The following NPAS2 variants were observed in gnomAD, a reference collection of about 807,000 sequenced individuals.
NPAS2 encodes the protein neuronal PAS domain-containing protein 2.
In NPAS2, 23 loss-of-function variants were observed where a neutral mutation model predicts 107.5. That is an observed-to-expected ratio of 0.21 (90% CI 0.15 to 0.30). The LOEUF is 0.30. NPAS2 is among the 10% of genes least tolerant of loss of function. NPAS2 has a pLI of 1.00. For missense variants in NPAS2, 756 were observed against 1,043.3 expected, an observed-to-expected ratio of 0.72 and a Z score of 3.79; for synonymous variants, 403 against 417.5, an observed-to-expected ratio of 0.97 and a Z score of 0.42.
chr2:100,955,324 C>T (rs1403776689), intron 7 of NPAS2, among the ~76,000 whole-genome samples: 2 of 152,146 alleles, frequency 1.3e-5, no homozygotes, highest in Non-Finnish European at 2.9e-5. Flanking sequence ...GGAAGGACAG[C>T]GACCCTTACT....
At chr2:100,872,068 CT>C (rs1410489763) in intron 1 of NPAS2, among the ~76,000 whole-genome samples, 1 of 152,182 alleles carries the variant, frequency 6.6e-6, no homozygotes, top group Non-Finnish European at 1.5e-5. Flanking sequence ...TTTAATGGCA[CT>C]AGAGGAGTTC....
chr2:100,902,456 G>A (rs1681847433), intron 1 of NPAS2, among the ~76,000 whole-genome samples: 1 of 152,232 alleles, frequency 6.6e-6, no homozygotes, highest in South Asian at 2.1e-4. Flanking sequence ...TACGCTGTGT[G>A]AAATAAGCCA....
At chr2:100,818,878 T>C (rs1328231157), upstream of NPAS2, among the ~76,000 whole-genome samples, 1 of 152,090 alleles carries the variant, frequency 6.6e-6, no homozygotes, top group East Asian at 1.9e-4. Flanking sequence ...CCCAGGCGCC[T>C]CCCCGCTGTG....
chr2:100,942,754 C>T lies in NPAS2; in HGVS notation c.363+4912C>T, dbSNP rs956555206. Among the ~76,000 whole-genome samples, 11 of 152,240 alleles carry T rather than the reference C, an allele frequency of 7.2e-5. No homozygotes were observed. In the East Asian group the frequency reaches 2.1e-3, roughly 30 times the overall value. Reference sequence around the variant, plus strand: ...TTTAAGGTCATTGTTTGCTTGTTTTCCTTTGTAGTTTCACCAACTTTGACT... The same window carrying T: ...TTTAAGGTCATTGTTTGCTTGTTTTTCTTTGTAGTTTCACCAACTTTGACT... On this transcript the variant is annotated intron_variant, in intron 5 of 20. Coordinates refer to ENST00000335681, the MANE Select transcript of NPAS2 (RefSeq NM_002518.4).
chr2:100,881,036 C>T (rs138813271), intron 1 of NPAS2, among the ~76,000 whole-genome samples: 92 of 152,296 alleles, frequency 6.0e-4, no homozygotes, highest in African/African-American at 2.1e-3. Context: ...GTGGGATTCA[C>T]TTGGTGGCAC....
At chr2:100,883,889 C>T (rs1680536607) in intron 1 of NPAS2, among the ~76,000 whole-genome samples, 1 of 141,656 alleles carries the variant, frequency 7.1e-6, no homozygotes, top group South Asian at 2.5e-4. Flanking sequence ...CTTCTCATTA[C>T]ACCTCCCTAC....
At chr2:100,916,549 C>A (rs1682891751) in intron 2 of NPAS2, among the ~76,000 whole-genome samples, 1 of 152,070 alleles carries the variant, frequency 6.6e-6, no homozygotes, top group Non-Finnish European at 1.5e-5. Flanking sequence ...TCACCAAGAA[C>A]AGATAATAGC....
intron 1 of NPAS2, among the ~76,000 whole-genome samples, chr2:100,838,132 C>T (rs114951113): frequency 0.014 from 2,052 of 150,496 alleles, 42 homozygotes; most frequent in African/African-American, 0.047. Context: ...CATCAGAAAA[C>T]GACTATCTTT....
Position 100,953,295 on chromosome 2 carries a change from AC to A in NPAS2, c.598+3818del, listed in dbSNP as rs141915995. On this transcript the variant is annotated intron_variant, in intron 7 of 20. Transcript: ENST00000335681. ...AGGGTGAGGCAGGAGAATGGCTTGA[AC>A]CCGGGAGGCGGAGGTTACAGTGAGT... Among the ~76,000 whole-genome samples, 119 of 150,956 alleles carry A rather than the reference AC, an allele frequency of 7.9e-4. 2 individuals carry two copies. The East Asian group carries it at 0.022, about 28-fold the overall frequency.
chr2:100,824,664 G>A (rs1676265138), intron 1 of NPAS2, among the ~76,000 whole-genome samples: 1 of 152,202 alleles, frequency 6.6e-6, no homozygotes, highest in Non-Finnish European at 1.5e-5. Context: ...TAGGAGAGAT[G>A]GATATTGCAA....
At chr2:100,944,811 A>G (rs1248620304) in intron 5 of NPAS2, among the ~76,000 whole-genome samples, 1 of 151,564 alleles carries the variant, frequency 6.6e-6, no homozygotes, top group Non-Finnish European at 1.5e-5. Flanking sequence ...TCTGTGCAGA[A>G]CCCGTGTCCT....
At chr2:100,948,154 T>C in intron 5 of NPAS2, 81 bp from the exon 6 acceptor site, 6 of 1,499,076 alleles carry the variant, frequency 4.0e-6, no homozygotes, top group Non-Finnish European at 4.6e-6. Flanking sequence ...TCTGCGTTGT[T>C]GTGAATGTTC....
intron 1 of NPAS2, among the ~76,000 whole-genome samples, chr2:100,869,989 C>T (rs1027977194): frequency 4.1e-5 from 6 of 145,860 alleles, no homozygotes; most frequent in Non-Finnish European, 7.4e-5. Context: ...ACTGCAAGCT[C>T]TGCCTCCCGG....
intron 11 of NPAS2, among the ~76,000 whole-genome samples, chr2:100,970,199 A>C (rs1304817324): frequency 6.6e-6 from 1 of 152,156 alleles, no homozygotes; most frequent in Non-Finnish European, 1.5e-5. Flanking sequence ...TCCTCTGCCC[A>C]AGGGCCCCCT....
At chr2:100,894,042 A>G (rs1044628497) in intron 1 of NPAS2, among the ~76,000 whole-genome samples, 1 of 152,188 alleles carries the variant, frequency 6.6e-6, no homozygotes, top group African/African-American at 2.4e-5. Flanking sequence ...CTGCTGACGC[A>G]CTTGGGACCC....
intron 1 of NPAS2, chr2:100,878,560 A>C: frequency 1.0e-6 from 1 of 985,448 alleles, no homozygotes; most frequent in South Asian, 4.7e-5. Context: ...TTAACCGTCA[A>C]CTGAAATGGC....
chr2:100,937,409 G>A (rs572582641), intron 4 of NPAS2, among the ~76,000 whole-genome samples: 31 of 152,330 alleles, frequency 2.0e-4, no homozygotes, highest in African/African-American at 7.5e-4. Context: ...TATGGCTGAT[G>A]TTTTCTAATG....
chr2:100,913,744 C>T (rs1682700216), intron 2 of NPAS2, among the ~76,000 whole-genome samples: 1 of 152,112 alleles, frequency 6.6e-6, no homozygotes, highest in Admixed American at 6.5e-5. Flanking sequence ...AAACATAGGA[C>T]TTTTGGTGAT....
At position 100,925,194 on chromosome 2, in the gene NPAS2, T is replaced by G; in HGVS notation, c.81T>G (p.Val27=). ...AGAAGCGTCGGGACCAGTTCAATGT[T>G]CTCATCAAAGAGCTCAGTTCCATGC... is the stretch of plus-strand genomic sequence containing the variant. The part of the protein sequence containing the change: ...SEKKRRDQFN[V]LIKELSSMLP... The change falls in exon 3 of 21, where the codon GTT becomes GTG. Residue 27 remains valine (V), a synonymous_variant. Coordinates refer to ENST00000335681, the MANE Select transcript of NPAS2 (RefSeq NM_002518.4). 2.5e-6 allele frequency: 4 copies of G among 1,614,098 alleles called. No homozygotes were observed. The highest frequency in any genetic ancestry group is 3.4e-6 in the Non-Finnish European group (4 of 1,179,974).
Sources: allele counts gnomAD v4.1 joint callset (sites outside exome capture counted in the v4.1 genomes callset), GRCh38; gene constraint gnomAD v4.1.1; transcripts MANE v1.5; gene names NCBI Gene and HGNC (gene_info 2026-07-23, HGNC 2026-07-21).